The following MYO16 variants were observed in gnomAD, a reference collection of about 807,000 sequenced individuals.
MYO16 encodes the protein unconventional myosin-XVI.
MYO16 carries 94 observed loss-of-function variants against 205.3 expected under a neutral mutation model. The observed-to-expected ratio is 0.46, with a 90% CI of 0.39 to 0.54. The LOEUF (loss-of-function observed/expected upper bound fraction) is 0.54. Ranked by LOEUF, MYO16 falls within the 20% of genes least tolerant of loss-of-function variation. MYO16 has a pLI of 0.00. For synonymous variants in MYO16, 988 were observed against 954.0 expected (o/e 1.04, Z -0.66); for missense variants, 2,315 against 2,387.5 (o/e 0.97, Z 0.63).
intron 21 of MYO16, among the ~76,000 whole-genome samples, chr13:109,006,982 G>A (rs1344808548): frequency 1.3e-5 from 2 of 152,180 alleles, no homozygotes; most frequent in Non-Finnish European, 2.9e-5. Context: ...TGTCCCGGAG[G>A]AGAGGGGAGA....
At chr13:108,903,089 G>T (rs1430164272) in intron 15 of MYO16, among the ~76,000 whole-genome samples, 1 of 152,104 alleles carries the variant, frequency 6.6e-6, no homozygotes, top group Non-Finnish European at 1.5e-5. Flanking sequence ...TTCCTGGCTT[G>T]TGTTCAAGTA....
chr13:108,841,155 A>G (rs1040961837), intron 9 of MYO16, among the ~76,000 whole-genome samples: 19 of 152,206 alleles, frequency 1.2e-4, no homozygotes, highest in Non-Finnish European at 2.6e-4. Context: ...GAGGAGATAC[A>G]TGAATCAAGA....
intron 21 of MYO16, among the ~76,000 whole-genome samples, chr13:109,006,498 C>A (rs1408354812): frequency 1.3e-5 from 2 of 152,112 alleles, no homozygotes; most frequent in South Asian, 4.2e-4. Context: ...CCTCAGCCTC[C>A]CAAAGTGCTG....
At chr13:108,624,043 A>T (rs1275695045) in intron 1 of MYO16, among the ~76,000 whole-genome samples, 1 of 152,224 alleles carries the variant, frequency 6.6e-6, no homozygotes, top group African/African-American at 2.4e-5. Flanking sequence ...AATTGTAAAT[A>T]AGAGCATGAT....
rs181035086 is a variant in MYO16, at chr13:108,741,453, A to G, written c.507+13870A>G. The stretch of plus-strand genomic sequence containing the variant: ...GGGGGCCACCTTTAAAAGCTCAAAA[A>G]TGTGGAAAAAATGGCACTACAAAGA... On this transcript the variant is annotated intron_variant, in intron 4 of 34. Coordinates refer to ENST00000457511, the MANE Select transcript of MYO16 (RefSeq NM_001198950.3). 1.4e-4 allele frequency among the ~76,000 whole-genome samples: 22 copies of G among 152,240 alleles called. No individual in the cohort carries two copies. The East Asian group carries it at 3.7e-3, about 25-fold the overall frequency.
Position 108,640,804 on chromosome 13 carries a change from C to G in MYO16, c.28+10932C>G, listed in dbSNP as rs145419045. Among the ~76,000 whole-genome samples the G allele has an allele frequency of 1.2e-3, 189 of 152,300 alleles. 3 individuals are homozygous for G. In the East Asian group the frequency reaches 0.034, roughly 27 times the overall value. ...ACGGTAACGACAACCATAAGAGCAA[C>G]AAGACAGGTTTGGTTGAGGTTTGAC... is the stretch of plus-strand genomic sequence containing the variant. On this transcript the variant is annotated intron_variant, in intron 1 of 34. Coordinates refer to ENST00000457511, the MANE Select transcript of MYO16 (RefSeq NM_001198950.3).
chr13:108,808,322 C>A (rs1385831366), intron 7 of MYO16, among the ~76,000 whole-genome samples: 4 of 149,888 alleles, frequency 2.7e-5, no homozygotes, highest in Non-Finnish European at 5.9e-5. Context: ...AATGAACCTT[C>A]TTTTTTTAAT....
At chr13:109,186,160 T>C (rs1879678537) in intron 34 of MYO16, among the ~76,000 whole-genome samples, 1 of 151,840 alleles carries the variant, frequency 6.6e-6, no homozygotes, top group Admixed American at 6.6e-5. Flanking sequence ...AGACCGTGTC[T>C]CAAAAAAAAA....
At chr13:108,498,239 G>A in the MYO16 span, among the ~76,000 whole-genome samples, 1 of 152,182 alleles carries the variant, frequency 6.6e-6, no homozygotes, top group East Asian at 1.9e-4. Flanking sequence ...AAATGCTGGG[G>A]TAGAACGGTA....
intron 1 of MYO16, among the ~76,000 whole-genome samples, chr13:108,608,304 G>A (rs924157014): frequency 1.3e-5 from 2 of 152,080 alleles, no homozygotes; most frequent in African/African-American, 4.8e-5. Flanking sequence ...GTAGCTATGT[G>A]GGTGTTTTCT....
chr13:108,936,503 G>A (rs1882497247), intron 16 of MYO16, among the ~76,000 whole-genome samples: 1 of 151,930 alleles, frequency 6.6e-6, no homozygotes, highest in African/African-American at 2.4e-5. Flanking sequence ...TTTCTAGTTT[G>A]TGCACATAGA....
At chr13:109,164,212 A>C (rs1171432418) in intron 32 of MYO16, 3 of 152,246 alleles carry the variant, frequency 2.0e-5, no homozygotes, top group Non-Finnish European at 2.9e-5. Context: ...TGCAGTGACC[A>C]TGGGGAAACC....
chr13:109,047,041 C>A (rs778726257), intron 24 of MYO16, 50 bp downstream of exon 24: 17 of 1,298,986 alleles, frequency 1.3e-5, no homozygotes, highest in Non-Finnish European at 1.8e-5. Flanking sequence ...GCCATGCATC[C>A]GTTATTTCTT....
At chr13:108,738,129 A>G (rs1165501883) in intron 4 of MYO16, among the ~76,000 whole-genome samples, 1 of 151,888 alleles carries the variant, frequency 6.6e-6, no homozygotes, top group Non-Finnish European at 1.5e-5. Context: ...TTGTGTTTCT[A>G]TCTCCTTCAG....
chr13:108,859,084 G>A (rs1171881616), intron 11 of MYO16, among the ~76,000 whole-genome samples: 1 of 152,006 alleles, frequency 6.6e-6, no homozygotes, highest in African/African-American at 2.4e-5. Flanking sequence ...GCCTTCATAT[G>A]TTTTCCTCCA....
chr13:108,802,221 C>T (rs1320705422), intron 6 of MYO16, among the ~76,000 whole-genome samples: 2 of 152,138 alleles, frequency 1.3e-5, no homozygotes, highest in African/African-American at 4.8e-5. Context: ...TCGAACCCTT[C>T]GACCAACAAC....
intron 2 of MYO16, among the ~76,000 whole-genome samples, chr13:108,682,412 CA>C (rs1882499265): frequency 6.6e-6 from 1 of 151,564 alleles, no homozygotes; most frequent in Admixed American, 6.6e-5. Flanking sequence ...TCACGGGCTG[CA>C]TGGAATTCCC....
intron 28 of MYO16, among the ~76,000 whole-genome samples, chr13:109,106,534 T>C (rs1011609832): frequency 3.3e-5 from 5 of 152,130 alleles, no homozygotes; most frequent in Admixed American, 6.6e-5. Context: ...AGTGGAAAAA[T>C]AAGTGGTATA....
Position 109,055,463 on chromosome 13 carries a change from A to T in MYO16, c.3203A>T (p.Asn1068Ile). The T allele has an allele frequency of 1.2e-6, 2 of 1,613,174 alleles. No individual in the cohort carries two copies. Among genetic ancestry groups the T allele is most frequent in the East Asian group, 4.5e-5 (2 of 44,864 alleles). ...TTCATTCATTGCATCAGGCCCAATA[A>T]CTCAAAGCTGCCAGATACTTTTGAT... is the stretch of plus-strand genomic sequence containing the variant. ...PHFIHCIRPN[N>I]SKLPDTFDNF... The change falls in exon 27 of 35, where the codon AAC (asparagine) becomes ATC (isoleucine). Residue 1068 changes from asparagine to isoleucine, a missense_variant. By Grantham distance (149) the Asn-to-Ile change is moderately radical (BLOSUM62 -3). Transcript: ENST00000457511. This position sits in a 1 kb window ranked among gnomAD's most constrained non-coding sequence, Gnocchi z 5.0.
Sources: allele counts gnomAD v4.1 joint callset (sites outside exome capture counted in the v4.1 genomes callset), GRCh38; gene constraint gnomAD v4.1.1; non-coding constraint Gnocchi (gnomAD v3.1); transcripts MANE v1.5; gene names NCBI Gene and HGNC (gene_info 2026-07-23, HGNC 2026-07-21).